The following FAF1 variants were observed in gnomAD, a reference collection of about 807,000 sequenced individuals.
The protein encoded by FAF1 is FAS-associated factor 1.
FAF1 carries 25 observed loss-of-function variants against 92.5 expected under a neutral mutation model. That is an observed-to-expected ratio of 0.27 (90% CI 0.20 to 0.38). FAF1 has a LOEUF of 0.38. Ranked by LOEUF, FAF1 falls within the 10% of genes least tolerant of loss-of-function variation. The probability of loss-of-function intolerance (pLI) is 1.00; values close to 1 mark genes in which losing one functional copy is unlikely to be tolerated. For synonymous variants in FAF1, 234 were observed against 273.2 expected (o/e 0.86, Z 1.42); for missense variants, 636 against 793.3 (o/e 0.80, Z 2.38).
chr1:50,457,005 G>A (rs1278000417), intron 18 of FAF1, among the ~76,000 whole-genome samples: 1 of 152,028 alleles, frequency 6.6e-6, no homozygotes, highest in Non-Finnish European at 1.5e-5. Context: ...CCTAAGCCTT[G>A]GGCAAGTTAC....
At chr1:50,926,281 C>T (rs889551646) in intron 1 of FAF1, among the ~76,000 whole-genome samples, 4 of 152,084 alleles carry the variant, frequency 2.6e-5, no homozygotes, top group Non-Finnish European at 5.9e-5. Flanking sequence ...TCACTTGCAG[C>T]AACATGGATA....
At chr1:50,730,401 C>T (rs565450714) in intron 6 of FAF1, among the ~76,000 whole-genome samples, 16 of 151,892 alleles carry the variant, frequency 1.1e-4, no homozygotes, top group African/African-American at 3.9e-4. Flanking sequence ...TGCTTACTCT[C>T]ATTTTTTCCT....
chr1:50,893,275 A>T (rs1644733466), intron 1 of FAF1, among the ~76,000 whole-genome samples: 1 of 152,036 alleles, frequency 6.6e-6, no homozygotes, highest in Non-Finnish European at 1.5e-5. Context: ...CATATATATG[A>T]GTTAGGTATT....
chr1:50,728,931 T>C (rs932942233), intron 6 of FAF1, among the ~76,000 whole-genome samples: 7 of 150,106 alleles, frequency 4.7e-5, no homozygotes, highest in African/African-American at 1.7e-4. Flanking sequence ...AGATGCTGTT[T>C]GAAGATAGTA....
At chr1:50,516,145 G>A (rs185937730) in intron 15 of FAF1, among the ~76,000 whole-genome samples, 3 of 152,252 alleles carry the variant, frequency 2.0e-5, no homozygotes, top group Admixed American at 2.0e-4. Flanking sequence ...AGGTGGAAGA[G>A]CTAGGATTTG....
intron 14 of FAF1, 77 bp from the exon 15 acceptor site, chr1:50,535,534 G>T: frequency 1.3e-6 from 1 of 772,564 alleles, no homozygotes; most frequent in Non-Finnish European, 2.1e-6. Flanking sequence ...ATTAGAAACT[G>T]GAAAGTCATT....
intron 6 of FAF1, among the ~76,000 whole-genome samples, chr1:50,722,558 AGAATGGC>A (rs1445822278): frequency 6.6e-6 from 1 of 150,690 alleles, no homozygotes; most frequent in East Asian, 2.0e-4. Context: ...CTGAGGCAGG[AGAATGGC>A]ATGAACCTGG....
At chr1:50,826,784 A>G (rs890499320) in intron 2 of FAF1, among the ~76,000 whole-genome samples, 3 of 152,232 alleles carry the variant, frequency 2.0e-5, no homozygotes, top group African/African-American at 4.8e-5. Context: ...CTGTGAAGAC[A>G]TAAGAAAAAA....
intron 15 of FAF1, among the ~76,000 whole-genome samples, chr1:50,513,057 G>T (rs557573154): frequency 6.6e-6 from 1 of 152,276 alleles, no homozygotes; most frequent in Admixed American, 6.5e-5. Context: ...TCTACATTAG[G>T]GTAGTCCAGA....
intron 8 of FAF1, among the ~76,000 whole-genome samples, chr1:50,644,920 C>T (rs1467854928): frequency 6.6e-6 from 1 of 152,224 alleles, no homozygotes; most frequent in African/African-American, 2.4e-5. Context: ...TGTTCTTCTT[C>T]ATATTTACTG....
chr1:50,878,591 C>T (rs774380478), intron 1 of FAF1, among the ~76,000 whole-genome samples: 6 of 152,158 alleles, frequency 3.9e-5, no homozygotes, highest in Non-Finnish European at 7.3e-5. Flanking sequence ...GGTATCCTCA[C>T]CATAAAACCC....
chr1:50,849,331 T>C (rs566263611), intron 2 of FAF1, among the ~76,000 whole-genome samples: 13 of 152,180 alleles, frequency 8.5e-5, no homozygotes, highest in African/African-American at 2.9e-4. Flanking sequence ...GTACTGTATT[T>C]ATAAGATGTT....
chr1:50,936,267 T>C (rs971317489), intron 1 of FAF1, among the ~76,000 whole-genome samples: 2 of 152,158 alleles, frequency 1.3e-5, no homozygotes, highest in Non-Finnish European at 2.9e-5. Flanking sequence ...ATTTACAAAG[T>C]AATGTGATAG....
chr1:50,876,277 G>A (rs1428517480), intron 1 of FAF1, among the ~76,000 whole-genome samples: 2 of 152,126 alleles, frequency 1.3e-5, no homozygotes, highest in African/African-American at 4.8e-5. Context: ...ATTAAGGTAC[G>A]TTCTGGAAAG....
intron 1 of FAF1, among the ~76,000 whole-genome samples, chr1:50,908,358 G>T (rs917953688): frequency 4.6e-5 from 7 of 152,202 alleles, no homozygotes; most frequent in Non-Finnish European, 8.8e-5. Flanking sequence ...GCTGACCTGG[G>T]GTGGAGGGTT....
At chr1:50,598,118 A>C (rs1408644973) in intron 8 of FAF1, among the ~76,000 whole-genome samples, 4 of 152,132 alleles carry the variant, frequency 2.6e-5, no homozygotes, top group African/African-American at 9.7e-5. Flanking sequence ...ACATAGTGAG[A>C]TCTTGTCTCT....
chr1:50,566,334 A>G (rs1281212554), intron 13 of FAF1, among the ~76,000 whole-genome samples: 1 of 152,080 alleles, frequency 6.6e-6, no homozygotes, highest in Admixed American at 6.5e-5. Context: ...GAATTAATTT[A>G]ATCTCCCTGT....
At chr1:50,873,989 C>A (rs1478123690) in intron 1 of FAF1, among the ~76,000 whole-genome samples, 1 of 152,072 alleles carries the variant, frequency 6.6e-6, no homozygotes, top group Non-Finnish European at 1.5e-5. Context: ...GTTGAGAGGG[C>A]CAGTTGCTGA....
At chr1:50,589,780 A>C (rs975502133) in intron 9 of FAF1, among the ~76,000 whole-genome samples, 24 of 152,084 alleles carry the variant, frequency 1.6e-4, no homozygotes, top group Non-Finnish European at 3.4e-4. Context: ...CTTTTGCCCT[A>C]TGTTTTCTTT....
Sources: allele counts gnomAD v4.1 joint callset (sites outside exome capture counted in the v4.1 genomes callset), GRCh38; gene constraint gnomAD v4.1.1; transcripts MANE v1.5; gene names NCBI Gene and HGNC (gene_info 2026-07-23, HGNC 2026-07-21).